Variants in IL1RAPL1 observed in about 807,000 individuals in gnomAD.
IL1RAPL1 encodes interleukin 1 receptor accessory protein like 1, also known as interleukin-1 receptor accessory protein-like 1.
IL1RAPL1 carries 3 observed loss-of-function variants against 48.4 expected under a neutral mutation model. The ratio of observed to expected loss-of-function variants is 0.06; its 90% CI spans 0.03 to 0.16. IL1RAPL1 has a LOEUF of 0.16. Among genes scored for constraint, IL1RAPL1 ranks in the 10% least tolerant of loss-of-function variants. The pLI is 1.00. For synonymous variants in IL1RAPL1, 185 were observed against 187.7 expected (o/e 0.99, Z 0.12); for missense variants, 349 against 530.6 (o/e 0.66, Z 3.36).
chrX:28,881,952 G>A (rs1347213398), intron 2 of IL1RAPL1, among the ~76,000 whole-genome samples: 1 of 109,611 alleles, frequency 9.1e-6, no homozygotes, highest in African/African-American at 3.3e-5. Flanking sequence ...AGAGATGGAC[G>A]GACAGAGAGC....
intron 3 of IL1RAPL1, among the ~76,000 whole-genome samples, chrX:29,357,706 T>C (rs927486640): frequency 4.5e-5 from 5 of 112,225 alleles, no homozygotes; most frequent in Non-Finnish European, 5.6e-5. Context: ...AAAGACACGA[T>C]ACCTTTCCTC....
At chrX:28,871,709 C>G (rs12390283) in intron 2 of IL1RAPL1, among the ~76,000 whole-genome samples, 1 of 111,599 alleles carries the variant, frequency 9.0e-6, no homozygotes, top group African/African-American at 3.3e-5. Context: ...CAGGAATGTA[C>G]GTTTTATCAG....
At chrX:29,628,129 A>G (rs1298750792) in intron 5 of IL1RAPL1, among the ~76,000 whole-genome samples, 1 of 112,276 alleles carries the variant, frequency 8.9e-6, no homozygotes, top group Non-Finnish European at 1.9e-5. Flanking sequence ...TTCAGCCAGA[A>G]TGCTTCAGTT....
chrX:29,899,988 T>A (rs1932466913), intron 6 of IL1RAPL1, among the ~76,000 whole-genome samples: 1 of 111,629 alleles, frequency 9.0e-6, no homozygotes, highest in East Asian at 2.8e-4. Context: ...AACTGCTATG[T>A]CTCCCTCTAT....
chrX:29,803,061 A>G (rs1463787990), intron 6 of IL1RAPL1, among the ~76,000 whole-genome samples: 1 of 83,371 alleles, frequency 1.2e-5, no homozygotes, highest in Non-Finnish European at 2.2e-5. Context: ...GTACATATAT[A>G]TGTATGCATG....
At chrX:29,374,619 C>G (rs920782210) in intron 3 of IL1RAPL1, among the ~76,000 whole-genome samples, 4 of 109,382 alleles carry the variant, frequency 3.7e-5, no homozygotes, top group Non-Finnish European at 7.6e-5. Context: ...TGTATGGTTC[C>G]TTTCAGAGCC....
At chrX:29,365,807 G>A (rs950799548) in intron 3 of IL1RAPL1, among the ~76,000 whole-genome samples, 1 of 110,905 alleles carries the variant, frequency 9.0e-6, no homozygotes, top group African/African-American at 3.3e-5. Context: ...GGGAGGCCGA[G>A]GCGGGTGGAT....
At chrX:29,116,679 A>G (rs919936206) in intron 2 of IL1RAPL1, among the ~76,000 whole-genome samples, 3 of 111,834 alleles carry the variant, frequency 2.7e-5, no homozygotes, top group African/African-American at 9.7e-5. Flanking sequence ...ACAATAGGGT[A>G]CTTGAGAGAA....
intron 6 of IL1RAPL1, among the ~76,000 whole-genome samples, chrX:29,901,671 A>G (rs1314003135): frequency 5.4e-5 from 6 of 112,120 alleles, no homozygotes; most frequent in Non-Finnish European, 9.4e-5. Flanking sequence ...GCACAGATGT[A>G]TGCTTTCTTT....
chrX:29,643,241 G>A (rs1344971921), intron 5 of IL1RAPL1, among the ~76,000 whole-genome samples: 2 of 111,676 alleles, frequency 1.8e-5, no homozygotes, highest in African/African-American at 3.3e-5. Flanking sequence ...TTACTGTATT[G>A]GGTTTAGGTG....
chrX:29,479,330 G>A (rs1239814007), intron 5 of IL1RAPL1, among the ~76,000 whole-genome samples: 4 of 104,157 alleles, frequency 3.8e-5, no homozygotes, highest in African/African-American at 1.1e-4. Context: ...TGGGAGGATC[G>A]CTTGAGCCTG....
intron 2 of IL1RAPL1, among the ~76,000 whole-genome samples, chrX:29,105,235 A>G (rs956285662): frequency 4.5e-5 from 5 of 112,052 alleles, no homozygotes; most frequent in Non-Finnish European, 9.4e-5. Context: ...CAGTCAATGA[A>G]CCAAAGAAAA....
At chrX:28,627,831 T>C (rs189382703) in intron 1 of IL1RAPL1, among the ~76,000 whole-genome samples, 1 of 111,728 alleles carries the variant, frequency 9.0e-6, no homozygotes, top group East Asian at 2.8e-4. Flanking sequence ...CCTCCAGTAC[T>C]CTTACTTTAT....
chrX:28,606,723 A>G (rs1934088151), intron 1 of IL1RAPL1, among the ~76,000 whole-genome samples: 2 of 111,933 alleles, frequency 1.8e-5, no homozygotes. Context: ...AAGATGATTT[A>G]TAAGATTCCT....
intron 5 of IL1RAPL1, among the ~76,000 whole-genome samples, chrX:29,504,345 C>A (rs1384623835): frequency 9.0e-6 from 1 of 111,410 alleles, no homozygotes; most frequent in Non-Finnish European, 1.9e-5. Flanking sequence ...TTCTAGATAG[C>A]CCTATTTGGT....
chrX:28,976,539 A>G (rs2147372050), intron 2 of IL1RAPL1, among the ~76,000 whole-genome samples: 1 of 111,849 alleles, frequency 8.9e-6, no homozygotes, highest in South Asian at 3.7e-4. Flanking sequence ...TTTTTGACAA[A>G]TTAATTTTGA....
At chrX:29,413,918 T>C (rs1264385397) in intron 5 of IL1RAPL1, among the ~76,000 whole-genome samples, 1 of 110,874 alleles carries the variant, frequency 9.0e-6, no homozygotes, top group Non-Finnish European at 1.9e-5. Context: ...TACATACGTA[T>C]GTATGTGTAT....
At chrX:29,658,471 C>T (rs948154986) in intron 5 of IL1RAPL1, among the ~76,000 whole-genome samples, 11 of 111,771 alleles carry the variant, frequency 9.8e-5, no homozygotes, top group African/African-American at 2.3e-4. Context: ...TGGACAGCAA[C>T]GAAATGTAAA....
chrX:29,211,440 G>A (rs1247696983), intron 2 of IL1RAPL1, among the ~76,000 whole-genome samples: 3 of 111,757 alleles, frequency 2.7e-5, no homozygotes, highest in Non-Finnish European at 5.6e-5. Context: ...AATTGGGGCA[G>A]GCTTTTAGCT....
Sources: gnomAD v4.1 joint callset for allele counts (sites outside exome capture counted in the v4.1 genomes callset) on GRCh38, gnomAD v4.1.1 for gene constraint, MANE v1.5 for transcripts, NCBI Gene and HGNC (gene_info 2026-07-23, HGNC 2026-07-21) for gene names.